Variants in SELENOI observed in about 807,000 individuals in gnomAD.
The protein encoded by SELENOI is selenoprotein I, also known as ethanolaminephosphotransferase 1.
Under a neutral mutation model 50.7 loss-of-function variants are expected in SELENOI, and 24 were observed. That is an observed-to-expected ratio of 0.47 (90% CI 0.34 to 0.67). The LOEUF is 0.67. Ranked by LOEUF, SELENOI falls within the 30% of genes least tolerant of loss-of-function variation. SELENOI has a pLI of 0.01. For missense variants in SELENOI, 352 were observed against 461.4 expected, an observed-to-expected ratio of 0.76 and a Z score of 2.17; for synonymous variants, 155 against 170.2, an observed-to-expected ratio of 0.91 and a Z score of 0.70.
chr2:26,356,661 T>C (rs997223681), intron 1 of SELENOI, among the ~76,000 whole-genome samples: 1 of 152,196 alleles, frequency 6.6e-6, no homozygotes, highest in African/African-American at 2.4e-5. Flanking sequence ...CTATAATAGT[T>C]TCTAACTGGT....
intron 1 of SELENOI, among the ~76,000 whole-genome samples, chr2:26,356,182 A>G (rs1278032906): frequency 6.6e-6 from 1 of 152,186 alleles, no homozygotes; most frequent in Non-Finnish European, 1.5e-5. Context: ...AATTAGAAAT[A>G]AGATCTCCCT....
At chr2:26,359,092 G>A (rs1432183022) in intron 1 of SELENOI, among the ~76,000 whole-genome samples, 1 of 152,122 alleles carries the variant, frequency 6.6e-6, no homozygotes, top group Non-Finnish European at 1.5e-5. Flanking sequence ...AGCCCCATTT[G>A]CTTACATATT....
At chr2:26,386,933 T>G (rs1341890790) in intron 9 of SELENOI, among the ~76,000 whole-genome samples, 1 of 152,234 alleles carries the variant, frequency 6.6e-6, no homozygotes, top group African/African-American at 2.4e-5. Flanking sequence ...GCATTTTTAT[T>G]GTTCATTAAC....
intron 6 of SELENOI, among the ~76,000 whole-genome samples, chr2:26,380,820 T>C (rs758166846): frequency 1.3e-5 from 2 of 152,230 alleles, no homozygotes; most frequent in African/African-American, 2.4e-5. Flanking sequence ...TTTGCCAATC[T>C]GATAGGTAAG....
chr2:26,358,643 A>C (rs556694411), intron 1 of SELENOI, among the ~76,000 whole-genome samples: 2 of 152,338 alleles, frequency 1.3e-5, no homozygotes, highest in East Asian at 3.9e-4. Flanking sequence ...TTTTGGTAGG[A>C]ATAGCTATTT....
rs1677913745 is a variant in SELENOI at position 26,389,354 on chromosome 2, A to C, written c.*251A>C. On this transcript the variant is annotated 3_prime_UTR_variant, in exon 10 of 10. Transcript: ENST00000260585. The stretch of plus-strand genomic sequence containing the variant: ...TACGTTAGACCAGCAAAATGTTCCT[A>C]ATGGTTCTAACTTCGTGAGTTTACA... 2.7e-6 allele frequency: 1 copy of C among 367,450 alleles called. No individual in the cohort carries two copies. Among genetic ancestry groups the C allele is most frequent in the Non-Finnish European group, 5.0e-6 (1 of 200,560 alleles). The allele number at this position is 367,450 out of a possible 1,614,324, so 22.8% of individuals were successfully genotyped here.
chr2:26,386,188 G>T (rs751905618), intron 8 of SELENOI, among the ~76,000 whole-genome samples, 166 bp from the exon 9 acceptor site: 2 of 152,168 alleles, frequency 1.3e-5, no homozygotes, highest in Non-Finnish European at 2.9e-5. Flanking sequence ...AGGGCCAGGG[G>T]TCCAGTTGGG....
chr2:26,355,670 C>G (rs1299163113), intron 1 of SELENOI, among the ~76,000 whole-genome samples: 1 of 151,926 alleles, frequency 6.6e-6, no homozygotes, highest in East Asian at 1.9e-4. Flanking sequence ...ACGGTATTCA[C>G]TGAAATTAGA....
At chr2:26,377,976 T>C (rs1252358428) in intron 6 of SELENOI, among the ~76,000 whole-genome samples, 2 of 152,222 alleles carry the variant, frequency 1.3e-5, no homozygotes, top group Non-Finnish European at 2.9e-5. Context: ...GGCATTTAAC[T>C]TGTTTGGACA....
chr2:26,374,694 A>C (rs1677529577), intron 5 of SELENOI, among the ~76,000 whole-genome samples: 1 of 150,446 alleles, frequency 6.6e-6, no homozygotes, highest in South Asian at 2.1e-4. Context: ...TCAGCCTCCC[A>C]AGTAGCTGGG....
At chr2:26,375,817 A>G (rs1313139401) in intron 6 of SELENOI, among the ~76,000 whole-genome samples, 1 of 152,096 alleles carries the variant, frequency 6.6e-6, no homozygotes, top group Non-Finnish European at 1.5e-5. Context: ...TCTCTTATCT[A>G]AAAAATAGGC....
intron 9 of SELENOI, among the ~76,000 whole-genome samples, chr2:26,387,724 GA>G (rs943514682): frequency 1.3e-5 from 2 of 148,400 alleles, no homozygotes; most frequent in African/African-American, 2.5e-5. Flanking sequence ...GAAAAAGAAA[GA>G]AAAAAAATGT....
intron 1 of SELENOI, 102 bp from the exon 2 acceptor site, chr2:26,364,200 G>T (rs564291422): frequency 7.5e-6 from 6 of 798,458 alleles, no homozygotes; most frequent in African/African-American, 7.1e-5. Flanking sequence ...ATATGCATGC[G>T]CCACTGCGCC....
At chr2:26,386,597 C>A in intron 9 of SELENOI, 61 bp downstream of exon 9, 4 of 1,385,340 alleles carry the variant, frequency 2.9e-6, no homozygotes, top group South Asian at 1.7e-5. Context: ...CAATAAATGC[C>A]TCCGAGTAGA....
chr2:26,381,656 G>A (rs956590678), intron 6 of SELENOI, among the ~76,000 whole-genome samples: 10 of 152,240 alleles, frequency 6.6e-5, no homozygotes, highest in South Asian at 2.1e-4. Context: ...CCAGCTTGAC[G>A]TGGAGTAAGC....
intron 7 of SELENOI, among the ~76,000 whole-genome samples, chr2:26,384,089 A>C (rs1677787396): frequency 1.3e-5 from 2 of 151,838 alleles, no homozygotes; most frequent in African/African-American, 4.8e-5. Context: ...TTGTGTCCTG[A>C]ATATATTTTG....
intron 6 of SELENOI, among the ~76,000 whole-genome samples, chr2:26,378,344 A>G (rs2147958710): frequency 6.6e-6 from 1 of 152,270 alleles, no homozygotes; most frequent in African/African-American, 2.4e-5. Context: ...TCTCACCAAG[A>G]ACACCTCTGT....
At chr2:26,369,102 G>C (rs1352200088) in intron 4 of SELENOI, among the ~76,000 whole-genome samples, 1 of 152,164 alleles carries the variant, frequency 6.6e-6, no homozygotes, top group African/African-American at 2.4e-5. Flanking sequence ...TCTTTTGGGG[G>C]AAAAATTGTA....
At chr2:26,385,794 C>A (rs1677826042) in intron 8 of SELENOI, among the ~76,000 whole-genome samples, 1 of 152,122 alleles carries the variant, frequency 6.6e-6, no homozygotes, top group Non-Finnish European at 1.5e-5. Context: ...TGTGTAATAT[C>A]TCAAGTCTTG....
Sources: allele counts gnomAD v4.1 joint callset (sites outside exome capture counted in the v4.1 genomes callset), GRCh38; gene constraint gnomAD v4.1.1; transcripts MANE v1.5; gene names NCBI Gene and HGNC (gene_info 2026-07-23, HGNC 2026-07-21).